The following KLRD1 variants were observed in gnomAD, a reference collection of about 807,000 sequenced individuals.
KLRD1 encodes the protein killer cell lectin like receptor D1.
In KLRD1, 21 loss-of-function variants were observed where a neutral mutation model predicts 22.6. The ratio of observed to expected loss-of-function variants is 0.93; its 90% CI spans 0.66 to 1.34. The LOEUF is 1.34. Among genes scored for constraint, KLRD1 ranks in the 40% most tolerant of loss-of-function variants. The probability of loss-of-function intolerance (pLI) is 0.00; values close to 1 mark genes in which losing one functional copy is unlikely to be tolerated. For missense variants in KLRD1, 183 were observed against 208.6 expected (o/e 0.88, Z 0.76); for synonymous variants, 59 against 71.1 (o/e 0.83, Z 0.85).
chr12:10,314,701 A>G lies in KLRD1; in HGVS notation c.448A>G (p.Lys150Glu). ...TCCATCATTTGAAACTTTTAATACAAAGAACTGCATAGCGTATAATCCAAA... is the reference window on the plus strand; with the variant it reads ...TCCATCATTTGAAACTTTTAATACAGAGAACTGCATAGCGTATAATCCAAA... The part of the protein sequence containing the change: ...LFPSFETFNT[K>E]NCIAYNPNGN... The change falls in exon 6 of 6, where the codon AAG becomes GAG. Residue 150 changes from lysine to glutamate, a missense_variant. Transcript: ENST00000336164. The G allele has an allele frequency of 6.3e-7, 1 of 1,582,796 alleles. No individual in the cohort carries two copies. Among genetic ancestry groups the G allele is most frequent in the Non-Finnish European group, 8.6e-7 (1 of 1,166,680 alleles).
intron 1 of KLRD1, among the ~76,000 whole-genome samples, chr12:10,263,920 TC>T (rs1429764385): frequency 6.6e-6 from 1 of 152,128 alleles, no homozygotes; most frequent in Non-Finnish European, 1.5e-5. Context: ...ATTGGGTTAT[TC>T]CGTATTTTAA....
In KLRD1 at chr12:10,311,497, T is replaced by G. The variant is rs770185246; in HGVS notation, c.197T>G (p.Val66Gly). 1 of 1,613,828 alleles carries G rather than the reference T, an allele frequency of 6.2e-7. No individual in the cohort carries two copies. Among genetic ancestry groups the G allele is most frequent in the Non-Finnish European group, 8.5e-7 (1 of 1,179,796 alleles). The change falls in exon 4 of 6, where the codon GTT (valine) becomes GGT (glycine). Residue 66 changes from valine to glycine, a missense_variant. Coordinates refer to ENST00000336164, the MANE Select transcript of KLRD1 (RefSeq NM_002262.5). ...SDCCSCQEKW[V>G]GYRCNCYFIS... is the part of the protein sequence containing the mutation. ...TGCTGTTCTTGCCAAGAAAAATGGG[T>G]TGGGTACCGGTGCAACTGTTACTTC... is the stretch of plus-strand genomic sequence containing the variant.
At chr12:10,240,726 C>T (rs551542069) in intron 1 of KLRD1, among the ~76,000 whole-genome samples, 1 of 152,280 alleles carries the variant, frequency 6.6e-6, no homozygotes, top group East Asian at 1.9e-4. Context: ...TATCAGACAT[C>T]ATGTGATTTT....
At chr12:10,307,723 AAAAAC>A (rs1192278971), upstream of KLRD1, 1 of 191,240 alleles carries the variant, frequency 5.2e-6, no homozygotes, top group African/African-American at 2.3e-5. Context: ...TCAAACAATA[AAAAAC>A]AAAACAGCAA....
rs1950287360 is a variant in KLRD1 at position 10,319,217 on chromosome 12, A to G, written c.*4424A>G. On this transcript the variant is annotated 3_prime_UTR_variant, in exon 6 of 6. Transcript: ENST00000336164. Reference sequence around the variant, plus strand: ...ATGTGCCCAAGTATGTAAGATGAGAATATAAGGCCATAAATTCTACTCTCT... The same window carrying G: ...ATGTGCCCAAGTATGTAAGATGAGAGTATAAGGCCATAAATTCTACTCTCT... 1 of 152,236 alleles carries G rather than the reference A, an allele frequency of 6.6e-6. No individual in the cohort carries two copies. Among genetic ancestry groups the G allele is most frequent in the Non-Finnish European group, 1.5e-5 (1 of 68,040 alleles). 9.4% of individuals were successfully genotyped at this position (152,236 alleles called of 1,614,324 possible).
At chr12:10,243,578 A>T (rs1013363929) in intron 1 of KLRD1, among the ~76,000 whole-genome samples, 2 of 124,658 alleles carry the variant, frequency 1.6e-5, no homozygotes, top group Non-Finnish European at 3.1e-5. Context: ...CACGCCACTC[A>T]CTCCAGCCTG....
At chr12:10,271,421 C>T (rs1468279571) in intron 1 of KLRD1, among the ~76,000 whole-genome samples, 1 of 152,162 alleles carries the variant, frequency 6.6e-6, no homozygotes. Flanking sequence ...CTTAACAGAG[C>T]ACTGTAGGTT....
At chr12:10,298,767 C>T (rs529531554) in intron 1 of KLRD1, among the ~76,000 whole-genome samples, 1 of 152,214 alleles carries the variant, frequency 6.6e-6, no homozygotes, top group African/African-American at 2.4e-5. Context: ...CCCTTTGTTT[C>T]CCATAAGGAA....
At chr12:10,295,925 GA>G (rs1949817209) in intron 1 of KLRD1, among the ~76,000 whole-genome samples, 1 of 152,142 alleles carries the variant, frequency 6.6e-6, no homozygotes, top group African/African-American at 2.4e-5. Context: ...AATGCAGAGT[GA>G]GATTTTAGTC....
chr12:10,299,509 T>C (rs1477327195), upstream of KLRD1, among the ~76,000 whole-genome samples: 1 of 152,192 alleles, frequency 6.6e-6, no homozygotes, highest in Non-Finnish European at 1.5e-5. Context: ...CTGTTAAATG[T>C]GCAATAGCAT....
chr12:10,302,868 G>T (rs1483459314), upstream of KLRD1, among the ~76,000 whole-genome samples: 8 of 152,100 alleles, frequency 5.3e-5, no homozygotes, highest in Non-Finnish European at 1.0e-4. Context: ...AGCAGTAAGT[G>T]ATTATAGAAA....
intron 1 of KLRD1, among the ~76,000 whole-genome samples, chr12:10,248,948 T>C (rs1949320330): frequency 2.0e-5 from 3 of 152,108 alleles, no homozygotes; most frequent in Admixed American, 2.0e-4. Context: ...CTTTGAATCA[T>C]ATGCTTAGAT....
intron 1 of KLRD1, among the ~76,000 whole-genome samples, chr12:10,248,530 T>TTTCCCTCC (rs1949313785): frequency 2.1e-5 from 2 of 96,586 alleles, no homozygotes; most frequent in Non-Finnish European, 4.2e-5. Context: ...TGTATTTTCT[T>TTTCCCTCC]TTCCTTCCTT....
intron 1 of KLRD1, among the ~76,000 whole-genome samples, chr12:10,287,153 C>G (rs1949714657): frequency 6.8e-6 from 1 of 146,078 alleles, no homozygotes; most frequent in African/African-American, 2.5e-5. Context: ...AAACAAAACC[C>G]TCTTTTTTTT....
At chr12:10,311,723 G>T in intron 4 of KLRD1, 108 bp downstream of exon 4, 1 of 949,574 alleles carries the variant, frequency 1.1e-6, no homozygotes, top group Non-Finnish European at 1.6e-6. Context: ...TAAGTGGATG[G>T]TTATATTGGA....
Position 10,322,909 on chromosome 12 carries a change from T to C in KLRD1, c.*8116T>C, listed in dbSNP as rs909189737. ...TTATTTAGCCTGTTCTTTAATTTCA[T>C]ATAAATGGAAGCTTAGCATGTATGA... On this transcript the variant is annotated 3_prime_UTR_variant, in exon 6 of 6. Coordinates refer to ENST00000336164, the MANE Select transcript of KLRD1 (RefSeq NM_002262.5). The C allele has an allele frequency of 5.3e-5, 8 of 152,252 alleles. No individual in the cohort carries two copies. Among genetic ancestry groups the C allele is most frequent in the African/African-American group, 1.7e-4 (7 of 41,462 alleles). The allele number at this position is 152,252 out of a possible 1,614,324, so 9.4% of individuals were successfully genotyped here.
At chr12:10,305,798 G>A (rs930264969), upstream of KLRD1, among the ~76,000 whole-genome samples, 2 of 152,150 alleles carry the variant, frequency 1.3e-5, no homozygotes, top group Non-Finnish European at 2.9e-5. Context: ...ATAACTTCAG[G>A]AACAAGTGGA....
Position 10,311,641 on chromosome 12 carries a change from A to G in KLRD1, c.315+26A>G, listed in dbSNP as rs376692869. On this transcript the variant is annotated intron_variant, in intron 4 of 5. Coordinates refer to ENST00000336164, the MANE Select transcript of KLRD1 (RefSeq NM_002262.5). ...GCATGTGCTGAGTCTGATTTTCTAC[A>G]TTTTCTTTGATCTAGAAAAATATAC... 3.3e-5 allele frequency: 53 copies of G among 1,607,270 alleles called. 1 individual carries two copies. In the African/African-American group the frequency reaches 4.9e-4, roughly 15 times the overall value.
chr12:10,314,487 A>C (rs1359586183), intron 5 of KLRD1, among the ~76,000 whole-genome samples, 186 bp from the exon 6 acceptor site: 2 of 152,210 alleles, frequency 1.3e-5, no homozygotes, highest in Non-Finnish European at 2.9e-5. Context: ...ATTAGTGAGA[A>C]AATAACTGGG....
Sources: allele counts gnomAD v4.1 joint callset (sites outside exome capture counted in the v4.1 genomes callset), GRCh38; gene constraint gnomAD v4.1.1; transcripts MANE v1.5; gene names NCBI Gene and HGNC (gene_info 2026-07-23, HGNC 2026-07-21).